NAV2: variants seen among roughly 807,000 people sequenced by gnomAD.
NAV2 encodes the protein neuron navigator 2.
A neutral mutation model predicts 223.2 loss-of-function variants in NAV2; 54 were observed. The ratio of observed to expected loss-of-function variants is 0.24; its 90% CI spans 0.19 to 0.30. The LOEUF (loss-of-function observed/expected upper bound fraction) is 0.30, where lower values mean the gene tolerates loss of function less well. Ranked by LOEUF, NAV2 falls within the 10% of genes least tolerant of loss-of-function variation. NAV2 has a pLI of 1.00. For synonymous variants in NAV2, 1,279 were observed against 1,239.3 expected, an observed-to-expected ratio of 1.03 and a Z score of -0.67; for missense variants, 2,806 against 3,147.5, an observed-to-expected ratio of 0.89 and a Z score of 2.60.
chr11:19,408,167 C>A (rs1043570855), intron 1 of NAV2, among the ~76,000 whole-genome samples: 2 of 152,242 alleles, frequency 1.3e-5, no homozygotes, highest in East Asian at 1.9e-4. Flanking sequence ...GACACCTGCA[C>A]GTGGGGATGC....
intron 1 of NAV2, among the ~76,000 whole-genome samples, chr11:19,552,253 G>A (rs1457586420): frequency 6.6e-6 from 1 of 152,210 alleles, no homozygotes; most frequent in African/African-American, 2.4e-5. Context: ...AAGAGCAAGA[G>A]CTGGAGTCAC....
At chr11:20,117,430 A>G (rs1180686883) in intron 37 of NAV2, among the ~76,000 whole-genome samples, 1 of 152,122 alleles carries the variant, frequency 6.6e-6, no homozygotes, top group Non-Finnish European at 1.5e-5. Context: ...AAGTGTTGCC[A>G]TTCTCCCCAT....
rs114089202 is a variant in NAV2, at chr11:19,446,099, C to T, written c.75+95072C>T. Among the ~76,000 whole-genome samples the T allele has an allele frequency of 3.4e-3, 515 of 152,246 alleles. 3 individuals are homozygous for T. The highest frequency in any genetic ancestry group is 0.012 in the African/African-American group (489 of 41,546). On this transcript the variant is annotated intron_variant, in intron 1 of 37. Transcript: ENST00000360655. ...TTCCAGATCTTAGTTTGCTCAGTCTCATCTATAGAATTTCTTCAGGAAACA... is the reference window on the plus strand; with the variant it reads ...TTCCAGATCTTAGTTTGCTCAGTCTTATCTATAGAATTTCTTCAGGAAACA...
chr11:19,964,810 T>TG, intron 10 of NAV2, among the ~76,000 whole-genome samples: 1 of 56,114 alleles, frequency 1.8e-5, no homozygotes, highest in East Asian at 3.2e-4. Context: ...CTCATTCTAC[T>TG]TTTTTTTTTT....
intron 3 of NAV2, among the ~76,000 whole-genome samples, chr11:19,865,638 A>G (rs955726949): frequency 6.6e-6 from 1 of 152,246 alleles, no homozygotes; most frequent in Non-Finnish European, 1.5e-5. Flanking sequence ...CCTTCTGTGA[A>G]CAGAGAAATC....
At position 20,036,523 on chromosome 11, in the gene NAV2, T is replaced by C. The variant is rs574550502; in HGVS notation, c.2907+426T>C. 3.3e-4 allele frequency among the ~76,000 whole-genome samples: 50 copies of C among 152,310 alleles called. 1 individual carries two copies. The South Asian group carries it at 5.0e-3, about 15-fold the overall frequency. On this transcript the variant is annotated intron_variant, in intron 12 of 37. Coordinates refer to ENST00000349880, the MANE Select transcript of NAV2 (RefSeq NM_145117.5). ...TAGGAGGATGGGGTGGAAATAAAGA[T>C]TGAGAACCCTGGACCGGAAGGCCGG...
rs188861651 is a variant in NAV2, at chr11:19,824,999, T to C, written c.268-7485T>C. On this transcript the variant is annotated intron_variant, in intron 1 of 37. Coordinates refer to ENST00000349880, the MANE Select transcript of NAV2 (RefSeq NM_145117.5). ...ACCACGTACTGCTCAGTCTTAGAAA[T>C]GACATTGTGTTGGCTAGGTGTGGTG... is the stretch of plus-strand genomic sequence containing the variant. Among the ~76,000 whole-genome samples the C allele has an allele frequency of 5.6e-3, 846 of 152,128 alleles. 9 individuals are homozygous for C. Among genetic ancestry groups the C allele is most frequent in the African/African-American group, 0.02 (815 of 41,510 alleles).
At chr11:19,725,777 T>C (rs764773074) in intron 1 of NAV2, among the ~76,000 whole-genome samples, 1 of 152,274 alleles carries the variant, frequency 6.6e-6, no homozygotes, top group Non-Finnish European at 1.5e-5. Flanking sequence ...CACCCATGTA[T>C]TAGGCATGAA....
chr11:19,534,902 G>A (rs771981082), intron 1 of NAV2, among the ~76,000 whole-genome samples: 1 of 152,160 alleles, frequency 6.6e-6, no homozygotes. Context: ...CTGCATGACT[G>A]GCCAGCAATT....
At chr11:20,103,502 G>A (rs749820057) in intron 33 of NAV2, 93 bp downstream of exon 33, 6 of 1,523,508 alleles carry the variant, frequency 3.9e-6, no homozygotes, top group Non-Finnish European at 5.4e-6. Context: ...GGCCGTTGTG[G>A]GAGTGAAGCT....
Position 20,118,755 on chromosome 11 carries a change from C to T in NAV2, c.*497C>T, listed in dbSNP as rs1592253715. ...CTCAGAGCCGTGCCACCCACCCTCCCACACAGCCGGCCACAGGGAGAACTG... is the reference window on the plus strand; with the variant it reads ...CTCAGAGCCGTGCCACCCACCCTCCTACACAGCCGGCCACAGGGAGAACTG... On this transcript the variant is annotated 3_prime_UTR_variant, in exon 38 of 38. Coordinates refer to ENST00000349880, the MANE Select transcript of NAV2 (RefSeq NM_145117.5). The T allele has an allele frequency of 5.7e-6, 1 of 174,406 alleles. No individual in the cohort carries two copies. The highest frequency in any genetic ancestry group is 1.2e-5 in the Non-Finnish European group (1 of 82,570). The allele number at this position is 174,406 out of a possible 1,614,324, so 10.8% of individuals were successfully genotyped here.
chr11:19,549,736 A>G (rs749299720), intron 1 of NAV2, among the ~76,000 whole-genome samples: 1 of 152,240 alleles, frequency 6.6e-6, no homozygotes, highest in African/African-American at 2.4e-5. Context: ...AGAGGTCTCA[A>G]TCGTGATACA....
intron 32 of NAV2, among the ~76,000 whole-genome samples, chr11:20,102,929 G>A (rs2061741423): frequency 6.6e-6 from 1 of 152,176 alleles, no homozygotes; most frequent in Non-Finnish European, 1.5e-5. Flanking sequence ...GCTCTGATGT[G>A]TAGAGGGCTT....
intron 1 of NAV2, among the ~76,000 whole-genome samples, chr11:19,378,536 C>G (rs1466337490): frequency 7.1e-6 from 1 of 140,764 alleles, no homozygotes; most frequent in Non-Finnish European, 1.5e-5. Context: ...CGGCGCCTCA[C>G]TATTTGTGGT....
At chr11:19,944,798 C>G (rs1188385927) in intron 8 of NAV2, among the ~76,000 whole-genome samples, 1 of 143,912 alleles carries the variant, frequency 6.9e-6, no homozygotes, top group Admixed American at 7.3e-5. Context: ...GGCTGGCTTT[C>G]TGTCTGTCTT....
intron 1 of NAV2, among the ~76,000 whole-genome samples, chr11:19,770,305 C>T (rs904354897): frequency 6.6e-6 from 1 of 151,690 alleles, no homozygotes; most frequent in African/African-American, 2.4e-5. Flanking sequence ...CCTGAGTAGA[C>T]TAGATATGCC....
chr11:19,982,866 T>C (rs969946348), intron 10 of NAV2, among the ~76,000 whole-genome samples: 6 of 152,128 alleles, frequency 3.9e-5, no homozygotes, highest in Non-Finnish European at 8.8e-5. Context: ...GTAGAAGAAA[T>C]TCAAGGATTG....
chr11:19,359,222 T>C (rs78102555), intron 1 of NAV2, among the ~76,000 whole-genome samples: 4,828 of 152,336 alleles, frequency 0.032, 260 homozygotes, highest in African/African-American at 0.11. Context: ...TAGTGTCTGG[T>C]AGCACTGCTT....
chr11:19,945,151 G>A (rs1277577275), intron 8 of NAV2, among the ~76,000 whole-genome samples: 3 of 63,552 alleles, frequency 4.7e-5, no homozygotes, highest in East Asian at 4.8e-4. Flanking sequence ...CTTTCTTTCT[G>A]TCTCCCTTCC....
Sources: allele counts gnomAD v4.1 joint callset (sites outside exome capture counted in the v4.1 genomes callset), GRCh38; gene constraint gnomAD v4.1.1; transcripts MANE v1.5; gene names NCBI Gene and HGNC (gene_info 2026-07-23, HGNC 2026-07-21).